ADAM12: variants seen among roughly 807,000 people sequenced by gnomAD.
ADAM12 encodes the protein ADAM metallopeptidase domain 12.
Under a neutral mutation model 106.4 loss-of-function variants are expected in ADAM12, and 70 were observed. The ratio of observed to expected loss-of-function variants is 0.66; its 90% CI spans 0.54 to 0.80. ADAM12 has a LOEUF of 0.80. ADAM12 is among the 30% of genes least tolerant of loss of function. The pLI, the probability that ADAM12 is intolerant of heterozygous loss-of-function variation, is 0.00. For synonymous variants in ADAM12, 420 were observed against 433.5 expected (o/e 0.97, Z 0.39); for missense variants, 1,010 against 1,171.9 (o/e 0.86, Z 2.02).
intron 3 of ADAM12, among the ~76,000 whole-genome samples, chr10:126,230,637 A>T (rs1958292703): frequency 1.3e-5 from 2 of 152,174 alleles, no homozygotes; most frequent in African/African-American, 4.8e-5. Context: ...TTTAAGTATA[A>T]ATCAATTGGA....
chr10:126,141,973 A>C (rs114875988), intron 4 of ADAM12, among the ~76,000 whole-genome samples: 2,267 of 152,316 alleles, frequency 0.015, 59 homozygotes, highest in African/African-American at 0.052. Flanking sequence ...CCCTTCCCTG[A>C]ATAGATGGGG....
rs1953634161 is a variant in ADAM12 at position 126,014,862 on chromosome 10, T to C, written c.*2417A>G. ...AAAATACTAGATTGCCATTGAAATA[T>C]AAGTATTGATTTTTTTTGTTTTGAG... On this transcript the variant is annotated 3_prime_UTR_variant, in exon 23 of 23. Coordinates refer to ENST00000448723, the MANE Select transcript of ADAM12 (RefSeq NM_001288973.2). 1 of 151,076 alleles carries C rather than the reference T, an allele frequency of 6.6e-6. No individual in the cohort carries two copies. Among genetic ancestry groups the C allele is most frequent in the Non-Finnish European group, 1.5e-5 (1 of 68,018 alleles). The allele number at this position is 151,076 out of a possible 1,614,324, so 9.4% of individuals were successfully genotyped here. A position where few individuals can be genotyped will look rare whatever the true frequency, so the allele number is the denominator to read the frequency against.
In ADAM12 at chr10:126,155,244, G is replaced by C; in HGVS notation, c.322C>G (p.Leu108Val). ...HYLQDGTDVS[L>V]ARNYTGHCYY... ...AGAATTACCGTGTAATTTCGAGCGA[G>C]GGAGACATCAGTACCGTCTTGCAGA... is the stretch of plus-strand genomic sequence containing the variant. The change falls in exon 4 of 23, where the codon CTC (leucine) becomes GTC (valine). Residue 108 changes from leucine (L) to valine (V), a missense_variant. Transcript: ENST00000448723. The C allele has an allele frequency of 6.2e-7, 1 of 1,614,100 alleles. No homozygotes were observed. Among genetic ancestry groups the C allele is most frequent in the Non-Finnish European group, 8.5e-7 (1 of 1,179,984 alleles).
At chr10:126,102,633 C>T (rs1332093465) in intron 8 of ADAM12, among the ~76,000 whole-genome samples, 3 of 152,190 alleles carry the variant, frequency 2.0e-5, no homozygotes, top group Non-Finnish European at 4.4e-5. Context: ...AAGTGCATCA[C>T]AGAATATATG....
In ADAM12 at chr10:126,377,735, G is replaced by A. The variant is rs549855952; in HGVS notation, c.88+10323C>T. ...TATGATGCTGGAACGGAGGTAAATA[G>A]AACAGTAGGACAAAGAACCCAGAAG... On this transcript the variant is annotated intron_variant, in intron 1 of 22. Transcript: ENST00000448723. Among the ~76,000 whole-genome samples, 9 of 152,324 alleles carry A rather than the reference G, an allele frequency of 5.9e-5. No individual in the cohort carries two copies. In the South Asian group the frequency reaches 1.9e-3, roughly 32 times the overall value.
At chr10:126,052,460 G>A (rs578136870) in intron 14 of ADAM12, among the ~76,000 whole-genome samples, 2 of 152,232 alleles carry the variant, frequency 1.3e-5, no homozygotes, top group African/African-American at 4.8e-5. Flanking sequence ...TTTCTTTCTT[G>A]GGAATTGTGA....
intron 2 of ADAM12, among the ~76,000 whole-genome samples, chr10:126,321,709 C>T (rs994058079): frequency 3.3e-5 from 5 of 152,164 alleles, no homozygotes; most frequent in African/African-American, 4.8e-5. Flanking sequence ...GTGCTCACCA[C>T]GTCTGCCCCC....
At chr10:126,236,268 G>T (rs922470228) in intron 3 of ADAM12, among the ~76,000 whole-genome samples, 4 of 152,206 alleles carry the variant, frequency 2.6e-5, no homozygotes, top group Non-Finnish European at 4.4e-5. Context: ...TGGTGCCCTG[G>T]GGGAAGGCTG....
chr10:126,365,599 C>CAG (rs1269189236), intron 1 of ADAM12, among the ~76,000 whole-genome samples: 1 of 152,138 alleles, frequency 6.6e-6, no homozygotes, highest in Non-Finnish European at 1.5e-5. Flanking sequence ...CCACCTTCTT[C>CAG]ACAGGGAGGC....
At chr10:126,386,412 GTATGATTTGGGGCAC>G (rs1404952642) in intron 1 of ADAM12, among the ~76,000 whole-genome samples, 1 of 152,148 alleles carries the variant, frequency 6.6e-6, no homozygotes, top group Non-Finnish European at 1.5e-5. Flanking sequence ...GGCCTCAATG[GTATGATTTGGGGCAC>G]TGATTGATTG....
intron 2 of ADAM12, among the ~76,000 whole-genome samples, chr10:126,283,340 T>C (rs1590729995): frequency 6.6e-6 from 1 of 152,202 alleles, no homozygotes; most frequent in East Asian, 1.9e-4. Context: ...CTGGCTAATC[T>C]GGGATGGAAA....
intron 3 of ADAM12, among the ~76,000 whole-genome samples, chr10:126,276,933 A>G (rs919493367): frequency 6.6e-5 from 10 of 152,128 alleles, no homozygotes; most frequent in African/African-American, 2.4e-4. Context: ...TTTCAGGGGG[A>G]ACCATGGACA....
chr10:126,322,849 G>C lies in ADAM12; in HGVS notation c.186+7563C>G, dbSNP rs980771475. Among the ~76,000 whole-genome samples, 3 of 152,166 alleles carry C rather than the reference G, an allele frequency of 2.0e-5. 1 individual carries two copies. The highest frequency in any genetic ancestry group is 2.9e-5 in the Non-Finnish European group (2 of 68,028). On this transcript the variant is annotated intron_variant, in intron 2 of 22. Transcript: ENST00000448723. ...GATTCTTTAAACAGCTGAGCTCCCA[G>C]ACAAGATACAAGGGTGCCAGCTTTT...
chr10:126,034,302 G>A (rs1453346919), intron 21 of ADAM12, among the ~76,000 whole-genome samples: 2 of 152,128 alleles, frequency 1.3e-5, no homozygotes. Context: ...AGTTGATAGA[G>A]GCCATGGATG....
intron 1 of ADAM12, among the ~76,000 whole-genome samples, chr10:126,347,840 C>A (rs769766363): frequency 1.3e-5 from 2 of 152,176 alleles, no homozygotes; most frequent in Admixed American, 6.5e-5. Context: ...AAACAAACTT[C>A]TGGGTCACCC....
At chr10:126,101,268 T>C (rs958189392) in intron 8 of ADAM12, 27 bp from the exon 9 acceptor site, 1 of 1,606,680 alleles carries the variant, frequency 6.2e-7, no homozygotes, top group Non-Finnish European at 8.5e-7. Context: ...AAACTGGCAT[T>C]GGAGTTGGGA....
chr10:126,197,700 C>T (rs1957623273), intron 3 of ADAM12, among the ~76,000 whole-genome samples: 1 of 152,172 alleles, frequency 6.6e-6, no homozygotes, highest in Admixed American at 6.5e-5. Flanking sequence ...TGCCTGGCTG[C>T]ATTTGGTATT....
chr10:126,096,849 T>G (rs1955567348), intron 10 of ADAM12, among the ~76,000 whole-genome samples: 1 of 152,260 alleles, frequency 6.6e-6, no homozygotes, highest in African/African-American at 2.4e-5. Context: ...ATAATTAACT[T>G]TGATCTTCAA....
At chr10:126,234,446 C>T (rs1382817453) in intron 3 of ADAM12, among the ~76,000 whole-genome samples, 6 of 152,182 alleles carry the variant, frequency 3.9e-5, no homozygotes, top group African/African-American at 7.2e-5. Flanking sequence ...TGCAGATTAA[C>T]GCTGCATCTA....
Sources: allele counts gnomAD v4.1 joint callset (sites outside exome capture counted in the v4.1 genomes callset), GRCh38; gene constraint gnomAD v4.1.1; transcripts MANE v1.5; gene names NCBI Gene and HGNC (gene_info 2026-07-23, HGNC 2026-07-21).